Variants in GPHN observed in about 807,000 individuals in gnomAD.
GPHN encodes gephyrin.
GPHN carries 17 observed loss-of-function variants against 95.5 expected under a neutral mutation model. That is an observed-to-expected ratio of 0.18 (90% confidence interval 0.12 to 0.27). The LOEUF (loss-of-function observed/expected upper bound fraction) is 0.27. Among genes scored for constraint, GPHN ranks in the 10% least tolerant of loss-of-function variants. GPHN has a pLI of 1.00. For synonymous variants in GPHN, 320 were observed against 322.5 expected, an observed-to-expected ratio of 0.99 and a Z score of 0.08; for missense variants, 660 against 978.1, an observed-to-expected ratio of 0.67 and a Z score of 4.34.
the GPHN span, chr14:67,312,750 A>T: frequency 7.2e-7 from 1 of 1,392,238 alleles, no homozygotes; most frequent in Non-Finnish European, 9.5e-7. Context: ...ATATTAAAAG[A>T]ACATTGAAAA....
At chr14:67,378,314 CT>C in the GPHN span, among the ~76,000 whole-genome samples, 9,903 of 107,618 alleles carry the variant, frequency 0.092, 409 homozygotes, top group African/African-American at 0.18. Context: ...TCTCATGTGA[CT>C]TTTTTTTTTT....
intron 3 of GPHN, among the ~76,000 whole-genome samples, chr14:66,799,901 T>C (rs952268315): frequency 6.6e-6 from 1 of 152,164 alleles, no homozygotes; most frequent in East Asian, 1.9e-4. Flanking sequence ...CTTTCTTTAG[T>C]GAAGATGATT....
chr14:66,779,148 T>G (rs1351458580), intron 3 of GPHN, among the ~76,000 whole-genome samples: 1 of 152,192 alleles, frequency 6.6e-6, no homozygotes, highest in Non-Finnish European at 1.5e-5. Context: ...AGCTTCAGTA[T>G]GTCAAGTGTT....
chr14:67,336,580 T>G, the GPHN span: 1 of 371,986 alleles, frequency 2.7e-6, no homozygotes, highest in Non-Finnish European at 5.4e-6. Flanking sequence ...TTCAAACTAA[T>G]TTTTGCCTCC....
chr14:66,970,023 A>C (rs1230911663), intron 9 of GPHN, among the ~76,000 whole-genome samples: 2 of 151,164 alleles, frequency 1.3e-5, no homozygotes, highest in African/African-American at 4.9e-5. Context: ...CTATAGTCAC[A>C]TATGTTCCTG....
At chr14:67,665,425 C>T in the GPHN span, among the ~76,000 whole-genome samples, 1 of 151,974 alleles carries the variant, frequency 6.6e-6, no homozygotes, top group African/African-American at 2.4e-5. Context: ...GTGCAGGTTA[C>T]CACACACAGC....
chr14:67,150,984 T>C (rs189213198), intron 18 of GPHN, among the ~76,000 whole-genome samples: 2 of 152,326 alleles, frequency 1.3e-5, no homozygotes, highest in Admixed American at 1.3e-4. Flanking sequence ...ATTTAAAATA[T>C]TGTAAGTTAA....
At chr14:66,621,437 T>C (rs2063297269) in intron 1 of GPHN, among the ~76,000 whole-genome samples, 1 of 147,982 alleles carries the variant, frequency 6.8e-6, no homozygotes, top group Non-Finnish European at 1.5e-5. Flanking sequence ...TCTTTTTTTT[T>C]TTTTTGAGAC....
At chr14:67,533,004 C>T in the GPHN span, among the ~76,000 whole-genome samples, 3 of 152,182 alleles carry the variant, frequency 2.0e-5, no homozygotes, top group Admixed American at 6.5e-5. Flanking sequence ...CCGCCGCCCT[C>T]CCTGCCGCCC....
intron 1 of GPHN, among the ~76,000 whole-genome samples, chr14:66,678,526 G>T: frequency 7.0e-6 from 1 of 143,592 alleles, no homozygotes; most frequent in African/African-American, 2.6e-5. Flanking sequence ...GTGTTCTTTT[G>T]TATCTACTAA....
chr14:67,395,514 C>T, the GPHN span: 1 of 1,614,110 alleles, frequency 6.2e-7, no homozygotes, highest in Non-Finnish European at 8.5e-7. Context: ...GCCCAGGCAT[C>T]CCGCTCCTCT....
rs59434196 is a variant in GPHN at position 66,898,466 on chromosome 14, T to TAAAAA, written c.390-17516_390-17512dup. ...ACCACTTGCTCCAGTGCTACTTGTT[T>TAAAAA]AAAAAAAAAAAAAAAAAAAAAAAAA... On this transcript the variant is annotated intron_variant, in intron 5 of 22. Transcript: ENST00000478722. 3.8e-3 allele frequency among the ~76,000 whole-genome samples: 344 copies of TAAAAA among 91,732 alleles called. 1 individual carries two copies. Among genetic ancestry groups the TAAAAA allele is most frequent in the African/African-American group, 0.016 (326 of 20,772 alleles). 60.2% of individuals were successfully genotyped at this position (91,732 alleles called of 152,430 possible). A position where few individuals can be genotyped will look rare whatever the true frequency, so the allele number is the denominator to read the frequency against.
At chr14:67,193,892 C>G in the GPHN span, among the ~76,000 whole-genome samples, 11 of 137,014 alleles carry the variant, frequency 8.0e-5, no homozygotes, top group African/African-American at 3.0e-4. Context: ...CTGCAGTGAG[C>G]AATGATCACA....
chr14:67,516,027 T>G, the GPHN span, among the ~76,000 whole-genome samples: 1 of 152,338 alleles, frequency 6.6e-6, no homozygotes, highest in African/African-American at 2.4e-5. Flanking sequence ...CTAGATTCTT[T>G]TATTGGGAGG....
At chr14:66,891,156 A>G (rs1596295303) in intron 5 of GPHN, among the ~76,000 whole-genome samples, 1 of 151,300 alleles carries the variant, frequency 6.6e-6, no homozygotes, top group East Asian at 2.0e-4. Flanking sequence ...TTTTTTTTTG[A>G]CATGATTATA....
the GPHN span, among the ~76,000 whole-genome samples, chr14:67,621,152 A>G: frequency 1.3e-5 from 2 of 152,150 alleles, no homozygotes; most frequent in African/African-American, 4.8e-5. Context: ...TCTTGCAATA[A>G]AGAGTGTGTT....
chr14:67,015,347 G>T (rs145124385), intron 9 of GPHN, among the ~76,000 whole-genome samples: 36 of 152,226 alleles, frequency 2.4e-4, no homozygotes, highest in African/African-American at 8.4e-4. Context: ...TTATAAAATT[G>T]TTTTGCTTAT....
the GPHN span, chr14:67,365,047 T>C: frequency 1.3e-6 from 2 of 1,530,728 alleles, no homozygotes; most frequent in Non-Finnish European, 1.8e-6. Flanking sequence ...ATTTCAGATT[T>C]AAAATGGTTT....
chr14:66,578,808 A>G (rs978552992), intron 1 of GPHN, among the ~76,000 whole-genome samples: 1 of 151,792 alleles, frequency 6.6e-6, no homozygotes, highest in Non-Finnish European at 1.5e-5. Context: ...GACTTGCCTT[A>G]TAAGAAATGC....
Sources: gnomAD v4.1 joint callset for allele counts (sites outside exome capture counted in the v4.1 genomes callset) on GRCh38, gnomAD v4.1.1 for gene constraint, MANE v1.5 for transcripts, NCBI Gene and HGNC (gene_info 2026-07-23, HGNC 2026-07-21) for gene names.